PKHD1L1: variants seen among roughly 807,000 people sequenced by gnomAD.
PKHD1L1 encodes the protein fibrocystin-L.
Under a neutral mutation model 462.9 loss-of-function variants are expected in PKHD1L1, and 434 were observed. The observed-to-expected ratio is 0.94, with a 90% confidence interval of 0.87 to 1.02. The LOEUF (loss-of-function observed/expected upper bound fraction) is 1.02, where lower values mean the gene tolerates loss of function less well. Among genes scored for constraint, PKHD1L1 ranks in the 50% least tolerant of loss-of-function variants. The probability of loss-of-function intolerance (pLI) is 0.00; values close to 1 mark genes in which losing one functional copy is unlikely to be tolerated. For synonymous variants in PKHD1L1, 1,781 were observed against 1,750.0 expected (o/e 1.02, Z -0.44); for missense variants, 5,202 against 5,096.1 (o/e 1.02, Z -0.63).
chr8:109,476,276 C>A (rs1467443481), intron 51 of PKHD1L1, among the ~76,000 whole-genome samples: 1 of 150,900 alleles, frequency 6.6e-6, no homozygotes, highest in Admixed American at 6.6e-5. Flanking sequence ...TACATACACA[C>A]ACACAGGAGA....
chr8:109,454,910 G>T (rs1182031828), intron 45 of PKHD1L1, 58 bp downstream of exon 45: 2 of 1,534,610 alleles, frequency 1.3e-6, no homozygotes, highest in Non-Finnish European at 1.8e-6. Context: ...GGACACCAGG[G>T]ATAATTATCC....
Position 109,442,985 on chromosome 8 carries a change from A to G in PKHD1L1, c.4433A>G (p.Tyr1478Cys). The G allele has an allele frequency of 6.2e-7, 1 of 1,613,546 alleles. No homozygotes were observed. Among genetic ancestry groups the G allele is most frequent in the South Asian group, 1.1e-5 (1 of 91,054 alleles). Reference protein sequence around the residue: ...SYQFTSPGIHYYSSGYVDEAH... With the variant: ...SYQFTSPGIHCYSSGYVDEAH... Reference sequence around the variant, plus strand: ...CAATTTACTTCTCCTGGAATCCATTATTATAGCAGCGGGTATGTTGATGAG... The same window carrying G: ...CAATTTACTTCTCCTGGAATCCATTGTTATAGCAGCGGGTATGTTGATGAG... Residue 1478 changes from tyrosine (Y) to cysteine (C), a missense_variant, in exon 36 of 78, where the codon TAT (tyrosine) becomes TGT (cysteine). Tyr to Cys is a radical substitution (Grantham distance 194). Transcript: ENST00000378402.
chr8:109,406,675 T>C (rs1563744401), intron 17 of PKHD1L1, among the ~76,000 whole-genome samples, 197 bp downstream of exon 17: 2 of 152,218 alleles, frequency 1.3e-5, no homozygotes, highest in Non-Finnish European at 2.9e-5. Context: ...AGAAATGCAC[T>C]ATACATACTA....
chr8:109,518,011 A>G lies in PKHD1L1; in HGVS notation c.11690-156A>G, dbSNP rs540252127. Among the ~76,000 whole-genome samples, 19 of 152,268 alleles carry G rather than the reference A, an allele frequency of 1.2e-4. No homozygotes were observed. The East Asian group carries it at 3.3e-3, about 26-fold the overall frequency. Reference sequence around the variant, plus strand: ...TTTAATTTCGCAGGTCAGTTCTATAAGTGTTTTTGTTTTTAAAAAGGTATG... The same window carrying G: ...TTTAATTTCGCAGGTCAGTTCTATAGGTGTTTTTGTTTTTAAAAAGGTATG... On this transcript the variant is annotated intron_variant, in intron 72 of 77. Transcript: ENST00000378402.
At chr8:109,522,103 A>G in intron 73 of PKHD1L1, 83 bp from the exon 74 acceptor site, 1 of 1,343,130 alleles carries the variant, frequency 7.4e-7, no homozygotes, top group African/African-American at 1.5e-5. Flanking sequence ...AGCAATGCAA[A>G]GAATGCTAAA....
At chr8:109,391,685 T>A (rs1306519695) in intron 9 of PKHD1L1, among the ~76,000 whole-genome samples, 1 of 152,204 alleles carries the variant, frequency 6.6e-6, no homozygotes, top group African/African-American at 2.4e-5. Flanking sequence ...CGGTAATTTC[T>A]TTTTTGTCTC....
intron 37 of PKHD1L1, among the ~76,000 whole-genome samples, 197 bp downstream of exon 37, chr8:109,444,099 G>A (rs1274078459): frequency 7.0e-6 from 1 of 142,726 alleles, no homozygotes; most frequent in East Asian, 2.0e-4. Flanking sequence ...ATCAATTTTA[G>A]AACATTTTCA....
At chr8:109,513,457 C>T (rs1586651700) in intron 71 of PKHD1L1, among the ~76,000 whole-genome samples, 3 of 152,086 alleles carry the variant, frequency 2.0e-5, no homozygotes, top group Admixed American at 2.0e-4. Flanking sequence ...TTAATATCTT[C>T]AATAATGTCA....
At position 109,429,870 on chromosome 8, in the gene PKHD1L1, A is replaced by G. The variant is rs983157927; in HGVS notation, c.3124-62A>G. The G allele has an allele frequency of 3.7e-5, 39 of 1,049,736 alleles. 1 individual carries two copies. The highest frequency in any genetic ancestry group is 6.8e-5 in the South Asian group (5 of 74,016). 65.0% of individuals were successfully genotyped at this position (1,049,736 alleles called of 1,614,324 possible). ...AATTCCATCACTTTTGTTAAAACCT[A>G]TTCATATTCTACTGCTGCCTCTTTG... On this transcript the variant is annotated intron_variant, in intron 26 of 77. Coordinates refer to ENST00000378402, the MANE Select transcript of PKHD1L1 (RefSeq NM_177531.6).
rs1020215573 is a variant in PKHD1L1 at position 109,497,201 on chromosome 8, G to A, written c.10528G>A (p.Ala3510Thr). Residue 3510 changes from alanine (A) to threonine (T), a missense_variant, in exon 65 of 78, where the codon GCC becomes ACC. Around this residue, in one of 3 missense-constraint regions of PKHD1L1, gnomAD observed 4,497 missense variants for 4,336.8 expected, o/e 1.04. Coordinates refer to ENST00000378402, the MANE Select transcript of PKHD1L1 (RefSeq NM_177531.6). ...TGTGACCCTGGTTGACAATGGAATG[G>A]CCATTTTTCCAATGATTTACATGCC... is the stretch of plus-strand genomic sequence containing the variant. ...YNVTLVDNGMAIFPMIYMPAA... is the reference protein window; with the variant it reads ...YNVTLVDNGMTIFPMIYMPAA... The A allele has an allele frequency of 6.2e-7, 1 of 1,613,492 alleles. No homozygotes were observed. The highest frequency in any genetic ancestry group is 1.7e-5 in the Admixed American group (1 of 60,012).
Position 109,522,255 on chromosome 8 carries a change from T to C in PKHD1L1, c.12101T>C (p.Ile4034Thr), listed in dbSNP as rs751174856. The part of the protein sequence containing the change: ...SLGQAVILGN[I>T]SSILGFNISS... ...GGACAAGCTGTAATTTTAGGAAACATCAGTAGTATCCTTGGATTTAACATT... is the reference window on the plus strand; with the variant it reads ...GGACAAGCTGTAATTTTAGGAAACACCAGTAGTATCCTTGGATTTAACATT... The change falls in exon 74 of 78, where the codon ATC (isoleucine) becomes ACC (threonine). Residue 4034 changes from isoleucine (I) to threonine (T), a missense_variant. Physicochemically the swap from Ile to Thr is moderately conservative, Grantham distance 89. Coordinates refer to ENST00000378402, the MANE Select transcript of PKHD1L1 (RefSeq NM_177531.6). 1 of 1,602,934 alleles carries C rather than the reference T, an allele frequency of 6.2e-7. No homozygotes were observed. Among genetic ancestry groups the C allele is most frequent in the Non-Finnish European group, 8.5e-7 (1 of 1,170,660 alleles).
At position 109,409,896 on chromosome 8, in the gene PKHD1L1, C is replaced by G; in HGVS notation, c.2003C>G (p.Thr668Ser). 6.2e-7 allele frequency: 1 copy of G among 1,604,820 alleles called. No homozygotes were observed. The highest frequency in any genetic ancestry group is 8.5e-7 in the Non-Finnish European group (1 of 1,176,324). ...FQGAVEEMVS[T>S]KCPPQIANFE... is the part of the protein sequence containing the mutation. ...GGAGCAGTGGAAGAAATGGTTAGCA[C>G]TAAGTGTCCACCACAAATTGCAAAT... The change falls in exon 19 of 78, where the codon ACT becomes AGT. Residue 668 changes from threonine to serine, a missense_variant. Physicochemically the swap from Thr to Ser is moderately conservative, Grantham distance 58. Around this residue, in one of 3 missense-constraint regions of PKHD1L1, gnomAD observed 4,497 missense variants for 4,336.8 expected, o/e 1.04. Transcript: ENST00000378402.
intron 67 of PKHD1L1, among the ~76,000 whole-genome samples, chr8:109,502,573 C>A (rs917285061): frequency 1.3e-5 from 2 of 152,174 alleles, no homozygotes; most frequent in Non-Finnish European, 2.9e-5. Flanking sequence ...GGTCTCAGAA[C>A]CCAACCATCT....
In PKHD1L1 at chr8:109,510,901, T is replaced by A; in HGVS notation, c.11520T>A (p.Leu3840=). The A allele has an allele frequency of 6.2e-7, 1 of 1,613,192 alleles. No individual in the cohort carries two copies. Among genetic ancestry groups the A allele is most frequent in the Non-Finnish European group, 8.5e-7 (1 of 1,179,406 alleles). Residue 3840 remains leucine (L), a synonymous_variant, in exon 71 of 78, where the codon CTT becomes CTA. Coordinates refer to ENST00000378402, the MANE Select transcript of PKHD1L1 (RefSeq NM_177531.6). ...TCACTGGCACCAGTCCTCAGAATCT[T>A]CGACTGATGTTGCTTAATGTTGATC... The part of the protein sequence containing the change: ...VYFTGTSPQN[L]RLMLLNVDHN...
chr8:109,491,128 T>A, intron 61 of PKHD1L1, 27 bp downstream of exon 61: 2 of 1,592,070 alleles, frequency 1.3e-6, no homozygotes, highest in Non-Finnish European at 8.6e-7. Context: ...TTGGTTCAAA[T>A]TACACATCCT....
At chr8:109,432,036 C>T (rs1161064212) in intron 27 of PKHD1L1, among the ~76,000 whole-genome samples, 1 of 152,152 alleles carries the variant, frequency 6.6e-6, no homozygotes, top group Non-Finnish European at 1.5e-5. Context: ...AGAAATTTTT[C>T]TATTCCCTTA....
intron 76 of PKHD1L1, among the ~76,000 whole-genome samples, chr8:109,524,645 G>A (rs1315259485): frequency 6.6e-6 from 1 of 152,096 alleles, no homozygotes; most frequent in Non-Finnish European, 1.5e-5. Context: ...ATTTTACTGT[G>A]GCAACAAAAT....
chr8:109,452,781 C>A lies in PKHD1L1; in HGVS notation c.6571C>A (p.Pro2191Thr), dbSNP rs775109971. Reference protein sequence around the residue: ...SSNFSWGGKSPPEEGSLVVIT... With the variant: ...SSNFSWGGKSTPEEGSLVVIT... ...CAATTTCTCATGGGGGGGAAAATCT[C>A]CCCCAGAAGAAGGATCTCTTGTTGT... The change falls in exon 43 of 78, where the codon CCC (proline) becomes ACC (threonine). Residue 2191 changes from proline to threonine, a missense_variant. Physicochemically the swap from Pro to Thr is conservative, Grantham distance 38. Around this residue, in one of 3 missense-constraint regions of PKHD1L1, gnomAD observed 4,497 missense variants for 4,336.8 expected, o/e 1.04. Coordinates refer to ENST00000378402, the MANE Select transcript of PKHD1L1 (RefSeq NM_177531.6). 1 of 1,533,682 alleles carries A rather than the reference C, an allele frequency of 6.5e-7. No homozygotes were observed. The highest frequency in any genetic ancestry group is 2.1e-5 in the Admixed American group (1 of 46,544).
rs1280731446 is a variant in PKHD1L1, at chr8:109,498,188, G to A, written c.10600-274G>A. On this transcript the variant is annotated intron_variant, in intron 65 of 77. Coordinates refer to ENST00000378402, the MANE Select transcript of PKHD1L1 (RefSeq NM_177531.6). ...GCAATCTCGGCTCACTGCAAGCTCCGCTTCCCGGGTTCACGCCATTCTCCT... is the reference window on the plus strand; with the variant it reads ...GCAATCTCGGCTCACTGCAAGCTCCACTTCCCGGGTTCACGCCATTCTCCT... Among the ~76,000 whole-genome samples the A allele has an allele frequency of 4.7e-4, 23 of 48,862 alleles. 5 individuals carry two copies. Among genetic ancestry groups the A allele is most frequent in the East Asian group, 1.1e-3 (2 of 1,864 alleles). The allele number at this position is 48,862 out of a possible 152,430, so 32.1% of individuals were successfully genotyped here.
Sources: allele counts gnomAD v4.1 joint callset (sites outside exome capture counted in the v4.1 genomes callset), GRCh38; gene constraint gnomAD v4.1.1; regional missense constraint gnomAD v4.1.1; transcripts MANE v1.5; gene names NCBI Gene and HGNC (gene_info 2026-07-23, HGNC 2026-07-21).